Variants in L2HGDH observed in about 807,000 individuals in gnomAD.
L2HGDH encodes L-2-hydroxyglutarate dehydrogenase, mitochondrial.
A neutral mutation model predicts 51.5 loss-of-function variants in L2HGDH; 34 were observed. The observed-to-expected ratio is 0.66, with a 90% CI of 0.50 to 0.88. The LOEUF is 0.88. Ranked by LOEUF, L2HGDH falls within the 40% of genes least tolerant of loss-of-function variation. L2HGDH has a pLI of 0.00. For missense variants in L2HGDH, 558 were observed against 571.9 expected, an observed-to-expected ratio of 0.98 and a Z score of 0.25; for synonymous variants, 198 against 197.9, an observed-to-expected ratio of 1.00 and a Z score of -0.01.
Position 50,242,885 on chromosome 14 carries a change from C to A in L2HGDH, c.*4173G>T. 1.0e-6 allele frequency: 1 copy of A among 985,424 alleles called. No homozygotes were observed. Among genetic ancestry groups the A allele is most frequent in the Non-Finnish European group, 1.2e-6 (1 of 829,944 alleles). 61.0% of individuals were successfully genotyped at this position (985,424 alleles called of 1,614,324 possible). A position where few individuals can be genotyped will look rare whatever the true frequency, so the allele number is the denominator to read the frequency against. On this transcript the variant is annotated 3_prime_UTR_variant, in exon 10 of 10. Coordinates refer to ENST00000267436, the MANE Select transcript of L2HGDH (RefSeq NM_024884.3). The stretch of plus-strand genomic sequence containing the variant: ...AAGGGCCCAGGAGGGCAGAGCCAGT[C>A]CTTAAACAATATAGACACCATGTCT...
chr14:50,266,554 A>C (rs1050361184), intron 8 of L2HGDH, among the ~76,000 whole-genome samples: 3 of 152,176 alleles, frequency 2.0e-5, no homozygotes, highest in African/African-American at 7.2e-5. Flanking sequence ...AAGTGGGAGA[A>C]CTGATTGATC....
chr14:50,282,183 C>T (rs1595111156), intron 5 of L2HGDH, among the ~76,000 whole-genome samples: 2 of 152,030 alleles, frequency 1.3e-5, no homozygotes, highest in African/African-American at 4.8e-5. Context: ...GTGATGGTAC[C>T]GGCATCTAGT....
In L2HGDH at chr14:50,267,817, T is replaced by A; in HGVS notation, c.1000A>T (p.Lys334Ter). ...WLGPNAVLAF[K>*]REGYRPFDFS... ...TCAAAGGGTCTGTAACCCTCTCGTT[T>A]AAAGGCAAGAACTGCATTAGGCCCT... is the stretch of plus-strand genomic sequence containing the variant. The change falls in exon 8 of 10, where the codon AAA (lysine) becomes TAA (stop). Residue 334 changes from lysine to a stop codon, truncating the protein, a stop_gained. Coordinates refer to ENST00000267436, the MANE Select transcript of L2HGDH (RefSeq NM_024884.3). LOFTEE classifies it high-confidence loss of function. The A allele has an allele frequency of 6.2e-7, 1 of 1,613,878 alleles. No individual in the cohort carries two copies. The highest frequency in any genetic ancestry group is 2.2e-5 in the East Asian group (1 of 44,884).
intron 4 of L2HGDH, 99 bp downstream of exon 4, chr14:50,293,997 TCTGTGACAGGATTATCTAA>T: frequency 8.2e-7 from 1 of 1,212,160 alleles, no homozygotes; most frequent in South Asian, 1.2e-5. Context: ...CTTCACTACT[TCTGTGACAGGATTATCTAA>T]CTGATTTTAT....
chr14:50,256,349 T>G (rs1324572787), intron 9 of L2HGDH, among the ~76,000 whole-genome samples: 1 of 151,282 alleles, frequency 6.6e-6, no homozygotes, highest in Non-Finnish European at 1.5e-5. Context: ...ACTCTGTCTC[T>G]AAAATAATAA....
intron 9 of L2HGDH, among the ~76,000 whole-genome samples, chr14:50,251,760 ATAG>A (rs1395266882): frequency 6.6e-6 from 1 of 152,126 alleles, no homozygotes; most frequent in Non-Finnish European, 1.5e-5. Flanking sequence ...TTACTCTAAA[ATAG>A]TATATCCAGT....
intron 9 of L2HGDH, among the ~76,000 whole-genome samples, chr14:50,254,892 A>G (rs1370217184): frequency 1.3e-5 from 2 of 151,694 alleles, no homozygotes; most frequent in Non-Finnish European, 2.9e-5. Flanking sequence ...AAAAAAATCA[A>G]TCAGGCGTGG....
intron 4 of L2HGDH, chr14:50,287,227 C>G: frequency 4.1e-6 from 4 of 985,262 alleles, no homozygotes; most frequent in Non-Finnish European, 4.8e-6. Context: ...TATCCAGACT[C>G]ATCCATAACT....
At position 50,265,350 on chromosome 14, in the gene L2HGDH, T is replaced by C. The variant is rs1450204381; in HGVS notation, c.1196+8A>G. ...ACTGTATTTACACTCCTTATCCCTT[T>C]TCCTTACCTAAGTATATCACTGATA... On this transcript the variant is annotated splice_region_variant and intron_variant, in intron 9 of 9. Coordinates refer to ENST00000267436, the MANE Select transcript of L2HGDH (RefSeq NM_024884.3). The C allele has an allele frequency of 6.2e-7, 1 of 1,609,320 alleles. No individual in the cohort carries two copies. The highest frequency in any genetic ancestry group is 1.3e-5 in the African/African-American group (1 of 74,988).
At position 50,267,878 on chromosome 14, in the gene L2HGDH, A is replaced by G. The variant is rs760769949; in HGVS notation, c.939T>C (p.Val313=). The change falls in exon 8 of 10, where the codon GTT becomes GTC. Residue 313 remains valine, a synonymous_variant. Transcript: ENST00000267436. ...VPDSRFPFLG[V]HFTPRMDGSI... is the part of the protein sequence containing the mutation. ...TGCCATCCATCCTTGGTGTGAAGTGAACTCCTAGGAAAGGAAACCGGCTAT... is the reference window on the plus strand; with the variant it reads ...TGCCATCCATCCTTGGTGTGAAGTGGACTCCTAGGAAAGGAAACCGGCTAT... 1.2e-6 allele frequency: 2 copies of G among 1,614,102 alleles called. No individual in the cohort carries two copies.
intron 8 of L2HGDH, among the ~76,000 whole-genome samples, chr14:50,265,913 C>T (rs530814592): frequency 6.6e-6 from 1 of 152,066 alleles, no homozygotes; most frequent in Non-Finnish European, 1.5e-5. Context: ...GACCCTCTCT[C>T]AATCAACCAA....
At chr14:50,303,427 T>C (rs2030537490) in intron 1 of L2HGDH, among the ~76,000 whole-genome samples, 1 of 148,796 alleles carries the variant, frequency 6.7e-6, no homozygotes, top group Non-Finnish European at 1.5e-5. Flanking sequence ...GAGCAATGTA[T>C]TGGGCCCTGT....
rs370093805 is a variant in L2HGDH at position 50,250,149 on chromosome 14, G to A, written c.1197-2896C>T. ...ACTCCTGACCTCAGGTGATCCACCCGTCTTGGCCTTCCAAAGTGTTGGGAT... is the reference window on the plus strand; with the variant it reads ...ACTCCTGACCTCAGGTGATCCACCCATCTTGGCCTTCCAAAGTGTTGGGAT... On this transcript the variant is annotated intron_variant, in intron 9 of 9. Transcript: ENST00000267436. Among the ~76,000 whole-genome samples, 9 of 152,254 alleles carry A rather than the reference G, an allele frequency of 5.9e-5. No individual in the cohort carries two copies. The East Asian group carries it at 7.7e-4, about 13-fold the overall frequency.
chr14:50,252,492 G>A (rs1157223553), intron 9 of L2HGDH, among the ~76,000 whole-genome samples: 2 of 134,776 alleles, frequency 1.5e-5, no homozygotes, highest in Non-Finnish European at 3.2e-5. Flanking sequence ...TAGCTGAATG[G>A]ATGAAAAAAC....
Position 50,269,248 on chromosome 14 carries a change from G to A in L2HGDH, c.821C>T (p.Pro274Leu), listed in dbSNP as rs755367997. The change falls in exon 7 of 10, where the codon CCT becomes CTT. Residue 274 changes from proline (P) to leucine (L), a missense_variant. This residue lies in a region of L2HGDH where 321 missense variants were observed against 311.8 expected (regional missense o/e 1.03). Coordinates refer to ENST00000267436, the MANE Select transcript of L2HGDH (RefSeq NM_024884.3). ...DRISELSGCT[P>L]DPRIVPFRGD... ...CCGGAATGGTACAATTCGAGGATCA[G>A]GAGTGCAGCCACTCAACTCTGAAAT... The A allele has an allele frequency of 2.5e-6, 4 of 1,613,854 alleles. No individual in the cohort carries two copies. Among genetic ancestry groups the A allele is most frequent in the Admixed American group, 1.7e-5 (1 of 59,982 alleles).
intron 9 of L2HGDH, among the ~76,000 whole-genome samples, chr14:50,257,037 G>A (rs1888706032): frequency 6.6e-6 from 1 of 152,172 alleles, no homozygotes; most frequent in South Asian, 2.1e-4. Context: ...GCAGGTTCAA[G>A]TGATTCTCCT....
intron 9 of L2HGDH, among the ~76,000 whole-genome samples, chr14:50,259,706 T>C (rs1888900131): frequency 1.3e-5 from 2 of 151,606 alleles, no homozygotes; most frequent in East Asian, 1.9e-4. Context: ...TGGTGGCACA[T>C]GCCTGTAATC....
chr14:50,271,484 CAT>C (rs1179974258), intron 6 of L2HGDH, among the ~76,000 whole-genome samples: 2 of 152,168 alleles, frequency 1.3e-5, no homozygotes, highest in African/African-American at 4.8e-5. Flanking sequence ...AATTCAGTAA[CAT>C]ATTAATTTTA....
chr14:50,292,445 G>A lies in L2HGDH; in HGVS notation c.540+1670C>T, dbSNP rs547457667. ...AGCTACTATAGGGCCAGGCGCTCAC[G>A]CCTGTAATCCCAGAACTTTGGGAGG... On this transcript the variant is annotated intron_variant, in intron 4 of 9. Transcript: ENST00000267436. Among the ~76,000 whole-genome samples the A allele has an allele frequency of 1.0e-3, 152 of 152,378 alleles. 1 individual carries two copies. The South Asian group carries it at 0.03, about 30-fold the overall frequency.
Sources: gnomAD v4.1 joint callset for allele counts (sites outside exome capture counted in the v4.1 genomes callset) on GRCh38, gnomAD v4.1.1 for gene constraint, gnomAD v4.1.1 regional missense constraint, MANE v1.5 for transcripts, NCBI Gene and HGNC (gene_info 2026-07-23, HGNC 2026-07-21) for gene names.